The following SPIRE2 variants were observed in gnomAD, a reference collection of about 807,000 sequenced individuals.
The protein encoded by SPIRE2 is protein spire homolog 2.
A neutral mutation model predicts 80.7 loss-of-function variants in SPIRE2; 76 were observed. That is an observed-to-expected ratio of 0.94 (90% CI 0.78 to 1.14). The LOEUF (loss-of-function observed/expected upper bound fraction) is 1.14. Ranked by LOEUF, SPIRE2 falls within the 50% of genes most tolerant of loss-of-function variation. SPIRE2 has a pLI of 0.00. For synonymous variants in SPIRE2, 535 were observed against 432.6 expected (o/e 1.24, Z -2.94); for missense variants, 1,196 against 1,015.3 (o/e 1.18, Z -2.42).
intron 13 of SPIRE2, among the ~76,000 whole-genome samples, chr16:89,869,053 A>AAACAAACATATATATATGTATATATAT: frequency 4.2e-5 from 1 of 24,034 alleles, no homozygotes; most frequent in African/African-American, 1.6e-4. Context: ...AAAAAAAAAA[A>AAACAAACATATATATATGTATATATAT]ATATATATAT....
chr16:89,856,700 T>C, intron 7 of SPIRE2, among the ~76,000 whole-genome samples: 1 of 150,986 alleles, frequency 6.6e-6, no homozygotes, highest in Non-Finnish European at 1.5e-5. Context: ...GCTCAAGTGA[T>C]CTGCCTGCCT....
intron 1 of SPIRE2, among the ~76,000 whole-genome samples, chr16:89,840,298 G>A (rs1381293598): frequency 6.9e-6 from 1 of 145,360 alleles, no homozygotes; most frequent in East Asian, 2.0e-4. Context: ...CGTCCAGGCT[G>A]GAGTGCAGTG....
At chr16:89,855,159 C>G (rs1317744808) in intron 5 of SPIRE2, among the ~76,000 whole-genome samples, 1 of 152,128 alleles carries the variant, frequency 6.6e-6, no homozygotes, top group Non-Finnish European at 1.5e-5. Flanking sequence ...ACGATGGTCT[C>G]GATCTCCTGA....
Position 89,869,044 on chromosome 16 carries a change from AAAAAAAAAAATATAT to A in SPIRE2, c.1807-521_1807-507del, listed in dbSNP as rs1447642659. On this transcript the variant is annotated intron_variant, in intron 13 of 14. Coordinates refer to ENST00000378247, the MANE Select transcript of SPIRE2 (RefSeq NM_032451.2). ...AGATCTGTGTCTTAAAAAAAAAAAA[AAAAAAAAAAATATAT>A]ATATATATATATATATGTTACCCCT... Among the ~76,000 whole-genome samples the A allele has an allele frequency of 1.6e-4, 13 of 81,722 alleles. No individual in the cohort carries two copies. The East Asian group carries it at 5.0e-3, about 31-fold the overall frequency. 53.6% of individuals were successfully genotyped at this position (81,722 alleles called of 152,430 possible).
rs1406475330 is a variant in SPIRE2, at chr16:89,852,727, ACCCCCCGGATCCCATGGCCCG to A, written c.646-1558_646-1538del. On this transcript the variant is annotated intron_variant, in intron 3 of 14. Coordinates refer to ENST00000378247, the MANE Select transcript of SPIRE2 (RefSeq NM_032451.2). ...TGATCCGTCTTCCGTCCTCCCTCTC[ACCCCCCGGATCCCATGGCCCG>A]TCTTCCGTCCTCCCTCTCACCCCCC... 2.8e-4 allele frequency among the ~76,000 whole-genome samples: 14 copies of A among 50,450 alleles called. 1 individual carries two copies. The highest frequency in any genetic ancestry group is 4.5e-4 in the African/African-American group (5 of 10,996). 33.1% of individuals were successfully genotyped at this position (50,450 alleles called of 152,430 possible). A position where few individuals can be genotyped will look rare whatever the true frequency, so the allele number is the denominator to read the frequency against.
intron 2 of SPIRE2, among the ~76,000 whole-genome samples, chr16:89,849,669 G>A (rs1279439241): frequency 6.6e-6 from 1 of 152,128 alleles, no homozygotes; most frequent in African/African-American, 2.4e-5. Flanking sequence ...CGGTGCAGAC[G>A]ATGGTGACTA....
chr16:89,841,509 A>C (rs1007879802), intron 1 of SPIRE2, among the ~76,000 whole-genome samples: 69 of 152,178 alleles, frequency 4.5e-4, no homozygotes, highest in Middle Eastern at 6.8e-3. Flanking sequence ...GTATGCACTT[A>C]TACCTGGGTG....
chr16:89,869,329 G>T (rs2041818618), intron 13 of SPIRE2, among the ~76,000 whole-genome samples: 1 of 151,826 alleles, frequency 6.6e-6, no homozygotes, highest in Admixed American at 6.6e-5. Context: ...GTATAAAAAG[G>T]GACGGTTCTT....
chr16:89,848,659 G>A (rs4785731), intron 2 of SPIRE2, among the ~76,000 whole-genome samples: 73,263 of 123,150 alleles, frequency 0.59, 21,311 homozygotes, highest in African/African-American at 0.82. Flanking sequence ...GGCCTTCTGC[G>A]GCGTTTCTGC....
In SPIRE2 at chr16:89,863,318, GA is replaced by G. The variant is rs1363497423; in HGVS notation, c.1576-157del. 6.8e-5 allele frequency: 53 copies of G among 780,984 alleles called. No individual in the cohort carries two copies. Among genetic ancestry groups the G allele is most frequent in the Non-Finnish European group, 1.0e-4 (50 of 498,980 alleles). 48.4% of individuals were successfully genotyped at this position (780,984 alleles called of 1,614,324 possible). A position where few individuals can be genotyped will look rare whatever the true frequency, so the allele number is the denominator to read the frequency against. ...CAGCAGGGCCCATCAAAGACATGGG[GA>G]TGGATGGCTGATGGACAAGATGGCT... On this transcript the variant is annotated intron_variant, in intron 10 of 14. Transcript: ENST00000378247. The surrounding 1 kb of genome is among the most constrained non-coding windows in gnomAD (Gnocchi z 4.3).
chr16:89,832,749 G>A (rs559436783), intron 1 of SPIRE2, among the ~76,000 whole-genome samples: 16 of 152,288 alleles, frequency 1.1e-4, no homozygotes, highest in Middle Eastern at 3.4e-3. Context: ...ATCCAGGGGC[G>A]TTTGCAGAGC....
chr16:89,860,528 G>A (rs888906247), intron 9 of SPIRE2, among the ~76,000 whole-genome samples, 155 bp from the exon 10 acceptor site: 3 of 152,180 alleles, frequency 2.0e-5, no homozygotes, highest in Admixed American at 2.0e-4. Flanking sequence ...CTAAGTGCTA[G>A]AACTGCCCGT....
intron 8 of SPIRE2, 61 bp downstream of exon 8, chr16:89,858,568 G>C: frequency 6.8e-7 from 1 of 1,464,672 alleles, no homozygotes; most frequent in Non-Finnish European, 9.1e-7. Context: ...GGCCAAGGAA[G>C]TGAGAAGGGC....
At chr16:89,847,560 C>T (rs1365664343) in intron 2 of SPIRE2, among the ~76,000 whole-genome samples, 9 of 152,194 alleles carry the variant, frequency 5.9e-5, no homozygotes, top group Non-Finnish European at 1.3e-4. Context: ...CTCAGAGGCG[C>T]ATACGTTAAC....
At chr16:89,865,040 T>C (rs534377975) in intron 12 of SPIRE2, among the ~76,000 whole-genome samples, 2 of 143,700 alleles carry the variant, frequency 1.4e-5, no homozygotes, top group South Asian at 4.4e-4. Flanking sequence ...GGAGTCTCGC[T>C]CTGGCGCCCA....
intron 2 of SPIRE2, among the ~76,000 whole-genome samples, chr16:89,848,222 A>C (rs1432539269): frequency 6.6e-6 from 1 of 152,138 alleles, no homozygotes. Flanking sequence ...CCCTTGCCCC[A>C]GGTGACCCCC....
rs2041350674 is a variant in SPIRE2 at position 89,828,753 on chromosome 16, G to T, written c.203G>T (p.Arg68Leu). Residue 68 changes from arginine (R) to leucine (L), a missense_variant, in exon 1 of 15, where the codon CGC (arginine) becomes CTC (leucine). Arg to Leu is a moderately radical substitution (Grantham distance 102). Coordinates refer to ENST00000378247, the MANE Select transcript of SPIRE2 (RefSeq NM_032451.2). This position sits in a 1 kb window ranked among gnomAD's most constrained non-coding sequence, Gnocchi z 5.9. Reference sequence around the variant, plus strand: ...CGGGATACCGGGGACCTCCTGCTGCGCGGGGACGGCTCGGTCGGGGCGCGG... The same window carrying T: ...CGGGATACCGGGGACCTCCTGCTGCTCGGGGACGGCTCGGTCGGGGCGCGG... ...RLRDTGDLLLRGDGSVGAREP... is the reference protein window; with the variant it reads ...RLRDTGDLLLLGDGSVGAREP... The T allele has an allele frequency of 8.3e-7, 1 of 1,205,964 alleles. No homozygotes were observed. Among genetic ancestry groups the T allele is most frequent in the Non-Finnish European group, 1.0e-6 (1 of 971,200 alleles). The allele number at this position is 1,205,964 out of a possible 1,614,324, so 74.7% of individuals were successfully genotyped here. A position where few individuals can be genotyped will look rare whatever the true frequency, so the allele number is the denominator to read the frequency against.
rs1490029307 is a variant in SPIRE2, at chr16:89,871,060, T to C, written c.*788T>C. ...GAGATTGCACCACTGCACTCCAGCC[T>C]GGGCGACAGAGCGAGACTCTGTCTC... On this transcript the variant is annotated 3_prime_UTR_variant, in exon 15 of 15. Transcript: ENST00000378247. 1 of 151,860 alleles carries C rather than the reference T, an allele frequency of 6.6e-6. No individual in the cohort carries two copies. The highest frequency in any genetic ancestry group is 2.4e-5 in the African/African-American group (1 of 41,152). 9.4% of individuals were successfully genotyped at this position (151,860 alleles called of 1,614,324 possible).
At chr16:89,860,556 G>A (rs1399875673) in intron 9 of SPIRE2, 127 bp from the exon 10 acceptor site, 17 of 643,468 alleles carry the variant, frequency 2.6e-5, no homozygotes, top group African/African-American at 1.7e-4. Flanking sequence ...CTGCCCGGCC[G>A]CTTCTCCCCT....
Sources: allele counts gnomAD v4.1 joint callset (sites outside exome capture counted in the v4.1 genomes callset), GRCh38; gene constraint gnomAD v4.1.1; non-coding constraint Gnocchi (gnomAD v3.1); transcripts MANE v1.5; gene names NCBI Gene and HGNC (gene_info 2026-07-23, HGNC 2026-07-21).